Variants in BCL9 observed in about 807,000 individuals in gnomAD.
The protein encoded by BCL9 is BCL9 transcription coactivator.
BCL9 carries 25 observed loss-of-function variants against 88.5 expected under a neutral mutation model. That is an observed-to-expected ratio of 0.28 (90% CI 0.21 to 0.39). BCL9 has a LOEUF of 0.39. Among genes scored for constraint, BCL9 ranks in the 10% least tolerant of loss-of-function variants. The pLI is 1.00. For missense variants in BCL9, 1,817 were observed against 1,877.8 expected, an observed-to-expected ratio of 0.97 and a Z score of 0.60; for synonymous variants, 711 against 673.3, an observed-to-expected ratio of 1.06 and a Z score of -0.87.
Position 147,615,860 on chromosome 1 carries a change from G to C in BCL9, c.618G>C (p.Gln206His). The change falls in exon 7 of 10, where the codon CAG (glutamine) becomes CAC (histidine). Residue 206 changes from glutamine to histidine, a missense_variant. Gln to His is a conservative substitution (Grantham distance 24). Coordinates refer to ENST00000234739, the MANE Select transcript of BCL9 (RefSeq NM_004326.4). ...AAACTATCGTCTCTTTCCACATCCA[G>C]AACATTTCTAACAACAAGACAGAGA... ...QVETIVSFHIQNISNNKTERS... is the reference protein window; with the variant it reads ...QVETIVSFHIHNISNNKTERS... 2.5e-6 allele frequency: 4 copies of C among 1,614,182 alleles called. No homozygotes were observed. Among genetic ancestry groups the C allele is most frequent in the Non-Finnish European group, 3.4e-6 (4 of 1,180,024 alleles).
intron 1 of BCL9, among the ~76,000 whole-genome samples, chr1:147,586,465 A>C (rs782455230): frequency 6.6e-6 from 1 of 152,136 alleles, no homozygotes; most frequent in Non-Finnish European, 1.5e-5. Flanking sequence ...ATTTAAGTGC[A>C]GATTCTTATC....
chr1:147,569,991 G>A (rs1655802973), intron 1 of BCL9, among the ~76,000 whole-genome samples: 1 of 152,194 alleles, frequency 6.6e-6, no homozygotes, highest in Non-Finnish European at 1.5e-5. Flanking sequence ...TTCTATTTAT[G>A]TTGAATATAA....
chr1:147,549,473 T>A (rs1654790544), intron 1 of BCL9, among the ~76,000 whole-genome samples: 1 of 152,182 alleles, frequency 6.6e-6, no homozygotes, highest in Non-Finnish European at 1.5e-5. Flanking sequence ...AGAAGTTTCT[T>A]CTAGCTCAGA....
chr1:147,580,358 G>T (rs925332108), intron 1 of BCL9, among the ~76,000 whole-genome samples: 1 of 152,164 alleles, frequency 6.6e-6, no homozygotes, highest in Non-Finnish European at 1.5e-5. Context: ...TAACTAAAAG[G>T]GAGGAGTTGT....
intron 1 of BCL9, among the ~76,000 whole-genome samples, chr1:147,598,588 T>C (rs1381654233): frequency 2.0e-5 from 3 of 152,210 alleles, no homozygotes; most frequent in Non-Finnish European, 4.4e-5. Context: ...ATAAGTACCC[T>C]GGTTAAAACC....
At chr1:147,561,190 TTTA>T (rs1655360215) in intron 1 of BCL9, among the ~76,000 whole-genome samples, 1 of 152,182 alleles carries the variant, frequency 6.6e-6, no homozygotes, top group African/African-American at 2.4e-5. Flanking sequence ...AGCTGAAACT[TTTA>T]TCTTTTTTTC....
At chr1:147,568,589 T>C (rs1553196988) in intron 1 of BCL9, among the ~76,000 whole-genome samples, 1 of 152,160 alleles carries the variant, frequency 6.6e-6, no homozygotes, top group Non-Finnish European at 1.5e-5. Flanking sequence ...TTTTTCTCTT[T>C]TTCAAATGTA....
intron 1 of BCL9, among the ~76,000 whole-genome samples, chr1:147,560,644 C>A (rs1655334609): frequency 6.6e-6 from 1 of 151,300 alleles, no homozygotes; most frequent in Admixed American, 6.6e-5. Flanking sequence ...CAGTGGCTCA[C>A]TCCTGTAATC....
rs1658865760 is a variant in BCL9 at position 147,624,984 on chromosome 1, C to A, written c.*25C>A. 1.9e-6 allele frequency: 3 copies of A among 1,586,218 alleles called. No homozygotes were observed. Among genetic ancestry groups the A allele is most frequent in the South Asian group, 1.1e-5 (1 of 88,698 alleles). On this transcript the variant is annotated 3_prime_UTR_variant, in exon 10 of 10. Transcript: ENST00000234739. The surrounding 1 kb of genome is among the most constrained non-coding windows in gnomAD (Gnocchi z 4.4). The stretch of plus-strand genomic sequence containing the variant: ...AGCTGCTAAGATGGGATGTGCCGAT[C>A]CTTGTCAAGATGAGATTCCAGGTCC...
intron 1 of BCL9, among the ~76,000 whole-genome samples, chr1:147,579,219 C>T (rs1656253185): frequency 6.6e-6 from 1 of 152,142 alleles, no homozygotes; most frequent in Admixed American, 6.5e-5. Flanking sequence ...AAGGACAGTC[C>T]ATTCAACTTC....
rs370329649 is a variant in BCL9, at chr1:147,596,929, C to A, written c.-477-7848C>A. Among the ~76,000 whole-genome samples, 12 of 152,174 alleles carry A rather than the reference C, an allele frequency of 7.9e-5. No individual in the cohort carries two copies. In the East Asian group the frequency reaches 1.4e-3, roughly 17 times the overall value. ...TGACCAAGGCAAGAATTTGTTAAGC[C>A]CTCTTATAACCCTGATACTAGCTGG... On this transcript the variant is annotated intron_variant, in intron 1 of 9. Coordinates refer to ENST00000234739, the MANE Select transcript of BCL9 (RefSeq NM_004326.4).
In BCL9 at chr1:147,625,180, T is replaced by A; in HGVS notation, c.*221T>A. On this transcript the variant is annotated 3_prime_UTR_variant, in exon 10 of 10. Coordinates refer to ENST00000234739, the MANE Select transcript of BCL9 (RefSeq NM_004326.4). ...TGTGTTTTTTTTAAGATTTATTTTT[T>A]AAAAATTATTTTTGTGGACTTGGGT... 1.8e-6 allele frequency: 1 copy of A among 549,190 alleles called. No homozygotes were observed. Among genetic ancestry groups the A allele is most frequent in the Non-Finnish European group, 3.0e-6 (1 of 333,606 alleles). 34.0% of individuals were successfully genotyped at this position (549,190 alleles called of 1,614,324 possible).
At position 147,576,058 on chromosome 1, in the gene BCL9, C is replaced by T. The variant is rs587734350; in HGVS notation, c.-477-28719C>T. ...AGAAAACATGCCACATGATGCATTG[C>T]GGGGGAATAAGAAACAGGCTAGATC... On this transcript the variant is annotated intron_variant, in intron 1 of 9. Transcript: ENST00000234739. Among the ~76,000 whole-genome samples the T allele has an allele frequency of 1.2e-4, 18 of 151,948 alleles. No homozygotes were observed. The East Asian group carries it at 2.9e-3, about 24-fold the overall frequency.
intron 5 of BCL9, 106 bp from the exon 6 acceptor site, chr1:147,614,321 G>T (rs1465619937): frequency 9.3e-7 from 1 of 1,074,444 alleles, no homozygotes; most frequent in Non-Finnish European, 1.3e-6. Flanking sequence ...TAGCAAGGTG[G>T]TACTTCCTTG....
chr1:147,601,860 GATAAA>G (rs1657407390), intron 1 of BCL9, among the ~76,000 whole-genome samples: 1 of 152,154 alleles, frequency 6.6e-6, no homozygotes, highest in Admixed American at 6.5e-5. Flanking sequence ...TGAGGGCTTG[GATAAA>G]AAGAGAAATT....
chr1:147,562,116 G>A (rs772648995), intron 1 of BCL9, among the ~76,000 whole-genome samples: 83 of 152,192 alleles, frequency 5.5e-4, no homozygotes, highest in African/African-American at 1.8e-3. Flanking sequence ...ATCACCTGAG[G>A]TCGGGAGTTC....
At chr1:147,568,106 G>A (rs1015232973) in intron 1 of BCL9, among the ~76,000 whole-genome samples, 1 of 152,166 alleles carries the variant, frequency 6.6e-6, no homozygotes, top group Non-Finnish European at 1.5e-5. Flanking sequence ...ACCTACCTCT[G>A]TAATCAATGC....
intron 1 of BCL9, among the ~76,000 whole-genome samples, chr1:147,558,542 T>G (rs186984602): frequency 3.5e-4 from 53 of 152,220 alleles, no homozygotes; most frequent in African/African-American, 1.2e-3. Context: ...CCACACACGC[T>G]CTGTGGAAGC....
intron 1 of BCL9, among the ~76,000 whole-genome samples, chr1:147,560,487 G>A (rs1425725408): frequency 6.6e-6 from 1 of 151,836 alleles, no homozygotes; most frequent in Non-Finnish European, 1.5e-5. Context: ...CTACTCAGGG[G>A]CGGGATGGGG....
Sources: allele counts gnomAD v4.1 joint callset (sites outside exome capture counted in the v4.1 genomes callset), GRCh38; gene constraint gnomAD v4.1.1; non-coding constraint Gnocchi (gnomAD v3.1); transcripts MANE v1.5; gene names NCBI Gene and HGNC (gene_info 2026-07-23, HGNC 2026-07-21).